Variants in NTN1 observed in about 807,000 individuals in gnomAD.
NTN1 encodes the protein netrin-1.
A neutral mutation model predicts 54.2 loss-of-function variants in NTN1; 11 were observed. The observed-to-expected ratio is 0.20, with a 90% CI of 0.13 to 0.34. The LOEUF (loss-of-function observed/expected upper bound fraction) is 0.34, where lower values mean the gene tolerates loss of function less well. Ranked by LOEUF, NTN1 falls within the 10% of genes least tolerant of loss-of-function variation. The pLI is 1.00. For missense variants in NTN1, 740 were observed against 893.1 expected (o/e 0.83, Z 2.18); for synonymous variants, 371 against 382.0 (o/e 0.97, Z 0.33).
intron 2 of NTN1, among the ~76,000 whole-genome samples, chr17:9,151,943 T>A (rs985776050): frequency 6.6e-6 from 1 of 152,082 alleles, no homozygotes; most frequent in Admixed American, 6.6e-5. Context: ...AACGCATCAA[T>A]CAGCCCGAGT....
chr17:9,116,281 G>A (rs1279150608), intron 2 of NTN1, among the ~76,000 whole-genome samples: 1 of 152,062 alleles, frequency 6.6e-6, no homozygotes, highest in East Asian at 1.9e-4. Flanking sequence ...GGGTCAGGAA[G>A]CAGCCACAGA....
chr17:9,184,306 C>A (rs1003595474), intron 5 of NTN1, among the ~76,000 whole-genome samples: 1 of 152,058 alleles, frequency 6.6e-6, no homozygotes, highest in African/African-American at 2.4e-5. Context: ...TGGTTGAGCC[C>A]CATGCAGGGG....
chr17:9,154,864 C>G (rs1221948385), intron 2 of NTN1, among the ~76,000 whole-genome samples: 1 of 152,208 alleles, frequency 6.6e-6, no homozygotes, highest in Non-Finnish European at 1.5e-5. Context: ...TGCCCCATCA[C>G]AGGCCCCTGC....
At chr17:9,194,049 A>C (rs1208810551) in intron 5 of NTN1, among the ~76,000 whole-genome samples, 1 of 151,802 alleles carries the variant, frequency 6.6e-6, no homozygotes, top group Non-Finnish European at 1.5e-5. Context: ...CAGCCTGGCC[A>C]ACATAGTGAA....
At chr17:9,021,240 G>A (rs1399086979), upstream of NTN1, among the ~76,000 whole-genome samples, 2 of 151,154 alleles carry the variant, frequency 1.3e-5, no homozygotes, top group South Asian at 2.1e-4. Flanking sequence ...CCTCCCCCAC[G>A]GGGTGCGCGC....
chr17:9,202,721 T>G (rs1035982627), intron 5 of NTN1, among the ~76,000 whole-genome samples: 1 of 152,210 alleles, frequency 6.6e-6, no homozygotes, highest in Non-Finnish European at 1.5e-5. Flanking sequence ...ACCAACTTTT[T>G]TGCCTTATTA....
chr17:9,086,768 T>C (rs1222202130), intron 2 of NTN1, among the ~76,000 whole-genome samples: 2 of 152,126 alleles, frequency 1.3e-5, no homozygotes, highest in African/African-American at 4.8e-5. Context: ...TGTCCTGTCA[T>C]CTTCACTGTC....
chr17:9,183,376 A>AG (rs898091918), intron 5 of NTN1: 1 of 484,786 alleles, frequency 2.1e-6, no homozygotes, highest in Non-Finnish European at 4.2e-6. Flanking sequence ...AGCAGAATGC[A>AG]GGGGGCCCAG....
intron 2 of NTN1, among the ~76,000 whole-genome samples, chr17:9,089,283 C>T (rs779095175): frequency 2.0e-5 from 3 of 152,086 alleles, no homozygotes; most frequent in East Asian, 1.9e-4. Flanking sequence ...GGTGTGGTGG[C>T]GGGCACTTGT....
Position 9,085,098 on chromosome 17 carries a change from A to G in NTN1, c.1018+61707A>G, listed in dbSNP as rs542775005. Among the ~76,000 whole-genome samples the G allele has an allele frequency of 2.6e-5, 4 of 152,344 alleles. No individual in the cohort carries two copies. In the East Asian group the frequency reaches 5.8e-4, roughly 22 times the overall value. On this transcript the variant is annotated intron_variant, in intron 2 of 6. Transcript: ENST00000173229. The stretch of plus-strand genomic sequence containing the variant: ...GGGCAAGGACCTCCTGGTTAGCTGT[A>G]GGCTCATTTACAGAGACCTCAGAAC...
chr17:9,193,660 C>T (rs977925146), intron 5 of NTN1, among the ~76,000 whole-genome samples: 10 of 152,110 alleles, frequency 6.6e-5, no homozygotes, highest in African/African-American at 1.7e-4. Flanking sequence ...CGGTGGCTCA[C>T]GCCTGTAATC....
In NTN1 at chr17:9,022,642, C is replaced by T. The variant is rs768509009; in HGVS notation, c.269C>T (p.Ser90Leu). The T allele has an allele frequency of 2.6e-6, 4 of 1,559,950 alleles. No homozygotes were observed. Among genetic ancestry groups the T allele is most frequent in the Non-Finnish European group, 3.5e-6 (4 of 1,153,596 alleles). ...VSERGEERLR[S>L]CHLCNASDPK... is the part of the protein sequence containing the mutation. ...GAGCGCGGCGAGGAGCGGCTGCGCTCGTGCCACCTCTGCAACGCGTCCGAC... is the reference window on the plus strand; with the variant it reads ...GAGCGCGGCGAGGAGCGGCTGCGCTTGTGCCACCTCTGCAACGCGTCCGAC... Residue 90 changes from serine (S) to leucine (L), a missense_variant, in exon 2 of 7, where the codon TCG becomes TTG. Transcript: ENST00000173229.
rs16957832 is a variant in NTN1, at chr17:9,057,000, A to G, written c.1018+33609A>G. 2.9e-3 allele frequency among the ~76,000 whole-genome samples: 437 copies of G among 152,132 alleles called. 4 individuals carry two copies. Among genetic ancestry groups the G allele is most frequent in the African/African-American group, 9.9e-3 (409 of 41,518 alleles). On this transcript the variant is annotated intron_variant, in intron 2 of 6. Transcript: ENST00000173229. The stretch of plus-strand genomic sequence containing the variant: ...GCCCCCCTGTGATGTTATCAGGGCA[A>G]GCGCTTTTCATCCTTAGGATTCTTT...
At chr17:9,011,752 G>A in the NTN1 span, among the ~76,000 whole-genome samples, 2 of 152,100 alleles carry the variant, frequency 1.3e-5, no homozygotes, top group Non-Finnish European at 2.9e-5. Flanking sequence ...ACCATGCCCA[G>A]CTAATTTTTG....
intron 3 of NTN1, among the ~76,000 whole-genome samples, chr17:9,166,373 A>C (rs2142302776): frequency 1.7e-5 from 2 of 119,642 alleles, no homozygotes; most frequent in Non-Finnish European, 3.3e-5. Context: ...ATGGAGTCTC[A>C]CTCTGTTGTC....
intron 5 of NTN1, among the ~76,000 whole-genome samples, chr17:9,187,654 CAAAAAAAAAAA>C (rs763852001): frequency 3.8e-5 from 2 of 52,904 alleles, no homozygotes; most frequent in African/African-American, 1.7e-4. Flanking sequence ...CTCATCTCTC[CAAAAAAAAAAA>C]AAAAAAAAAA....
At chr17:9,138,973 T>G (rs2092289530) in intron 2 of NTN1, among the ~76,000 whole-genome samples, 1 of 152,152 alleles carries the variant, frequency 6.6e-6, no homozygotes, top group Non-Finnish European at 1.5e-5. Context: ...GCTTTTCACC[T>G]AAGACCATTT....
intron 5 of NTN1, among the ~76,000 whole-genome samples, chr17:9,197,503 A>G (rs1257255211): frequency 6.6e-6 from 1 of 151,740 alleles, no homozygotes; most frequent in East Asian, 1.9e-4. Flanking sequence ...TACTAAAAAT[A>G]TAAAAAATTA....
chr17:9,193,600 C>T (rs962436785), intron 5 of NTN1, among the ~76,000 whole-genome samples: 1 of 152,202 alleles, frequency 6.6e-6, no homozygotes, highest in Non-Finnish European at 1.5e-5. Context: ...TGTCTCCTCA[C>T]AGCTGTTTTG....
Sources: allele counts gnomAD v4.1 joint callset (sites outside exome capture counted in the v4.1 genomes callset), GRCh38; gene constraint gnomAD v4.1.1; transcripts MANE v1.5; gene names NCBI Gene and HGNC (gene_info 2026-07-23, HGNC 2026-07-21).